The following TMEM131L variants were observed in gnomAD, a reference collection of about 807,000 sequenced individuals.
TMEM131L encodes the protein transmembrane protein 131-like.
A neutral mutation model predicts 192.2 loss-of-function variants in TMEM131L; 54 were observed. That is an observed-to-expected ratio of 0.28 (90% CI 0.23 to 0.35). The LOEUF (loss-of-function observed/expected upper bound fraction) is 0.35. Among genes scored for constraint, TMEM131L ranks in the 10% least tolerant of loss-of-function variants. The pLI is 1.00. For synonymous variants in TMEM131L, 701 were observed against 704.9 expected, an observed-to-expected ratio of 0.99 and a Z score of 0.09; for missense variants, 1,888 against 1,972.9, an observed-to-expected ratio of 0.96 and a Z score of 0.82.
At chr4:153,626,423 C>G (rs930568447) in intron 30 of TMEM131L, among the ~76,000 whole-genome samples, 198 bp downstream of exon 30, 17 of 152,068 alleles carry the variant, frequency 1.1e-4, no homozygotes, top group African/African-American at 4.1e-4. Flanking sequence ...GCTCAGGTAT[C>G]GCTATTTTTT....
In TMEM131L at chr4:153,504,115, C is replaced by T. The variant is rs1017757816; in HGVS notation, c.239+30227C>T. On this transcript the variant is annotated intron_variant, in intron 3 of 34. Transcript: ENST00000409959. The stretch of plus-strand genomic sequence containing the variant: ...CCGAGTAGCTGGGACTACAGGCGCC[C>T]GCCACCACGCCCGGCTAATTTTTTT... Among the ~76,000 whole-genome samples, 12 of 151,516 alleles carry T rather than the reference C, an allele frequency of 7.9e-5. No individual in the cohort carries two copies. The East Asian group carries it at 1.2e-3, about 15-fold the overall frequency.
intron 3 of TMEM131L, among the ~76,000 whole-genome samples, chr4:153,510,849 T>C (rs1353579650): frequency 6.6e-6 from 1 of 151,352 alleles, no homozygotes; most frequent in Non-Finnish European, 1.5e-5. Context: ...ATCATGCCAG[T>C]GTACTCCAGC....
Position 153,604,208 on chromosome 4 carries a change from G to A in TMEM131L, c.3196G>A (p.Val1066Ile), listed in dbSNP as rs140575798. The change falls in exon 25 of 35, where the codon GTT becomes ATT. Residue 1066 changes from valine (V) to isoleucine (I), a missense_variant. Val to Ile is a conservative substitution (Grantham distance 29). Coordinates refer to ENST00000409959, the MANE Select transcript of TMEM131L (RefSeq NM_001131007.2). ...AGAAAACACACTGAAAAACACAATT[G>A]TTTTCAGTAATCCTTCTTCAGAATG... ...KEENTLKNTI[V>I]FSNPSSECSM... is the part of the protein sequence containing the mutation. 4.3e-5 allele frequency: 70 copies of A among 1,613,982 alleles called. No homozygotes were observed. The African/African-American group carries it at 7.7e-4, about 18-fold the overall frequency.
intron 3 of TMEM131L, among the ~76,000 whole-genome samples, chr4:153,494,603 AAC>A (rs1733029069): frequency 1.3e-5 from 2 of 152,214 alleles, no homozygotes; most frequent in African/African-American, 4.8e-5. Context: ...TATCTGATAC[AAC>A]AGTCTTATTG....
At chr4:153,585,770 T>C (rs920441027) in intron 13 of TMEM131L, among the ~76,000 whole-genome samples, 159 bp downstream of exon 13, 2 of 152,184 alleles carry the variant, frequency 1.3e-5, no homozygotes, top group Non-Finnish European at 2.9e-5. Context: ...TGTATTTTTC[T>C]TTTAACATTT....
chr4:153,626,896 T>G (rs969863020), intron 30 of TMEM131L, among the ~76,000 whole-genome samples: 3 of 152,254 alleles, frequency 2.0e-5, no homozygotes, highest in African/African-American at 7.2e-5. Context: ...TGCAAGAACC[T>G]AGTAGATACA....
At chr4:153,493,345 CAA>C (rs35052272) in intron 3 of TMEM131L, among the ~76,000 whole-genome samples, 1,979 of 72,736 alleles carry the variant, frequency 0.027, 22 homozygotes, top group African/African-American at 0.038. Flanking sequence ...GACTCTGTCT[CAA>C]AAAAAAAAAA....
intron 25 of TMEM131L, among the ~76,000 whole-genome samples, chr4:153,609,727 C>G (rs914730143): frequency 6.6e-6 from 1 of 152,138 alleles, no homozygotes; most frequent in East Asian, 1.9e-4. Flanking sequence ...ATGACTAATA[C>G]TTTTAGTACT....
intron 16 of TMEM131L, 58 bp downstream of exon 16, chr4:153,589,065 C>T (rs532053722): frequency 7.8e-4 from 690 of 887,126 alleles, no homozygotes; most frequent in Non-Finnish European, 1.2e-3. Context: ...TTACAGTAGT[C>T]CCTCCTTACC....
chr4:153,635,689 C>CT, intron 34 of TMEM131L, 118 bp downstream of exon 34: 1 of 1,201,980 alleles, frequency 8.3e-7, no homozygotes, highest in Non-Finnish European at 1.2e-6. Context: ...CAAAGCCTGG[C>CT]TTGCTTCTTT....
intron 31 of TMEM131L, among the ~76,000 whole-genome samples, chr4:153,630,409 C>T (rs1310473303): frequency 6.6e-6 from 1 of 152,190 alleles, no homozygotes; most frequent in Non-Finnish European, 1.5e-5. Flanking sequence ...CCTTAGAGAG[C>T]CAGATGGCTT....
At chr4:153,627,530 G>A in intron 30 of TMEM131L, 75 bp from the exon 31 acceptor site, 1 of 1,110,040 alleles carries the variant, frequency 9.0e-7, no homozygotes, top group Non-Finnish European at 1.4e-6. Flanking sequence ...AACTCAATCA[G>A]ACGTGGTTAT....
At chr4:153,586,575 T>A (rs530978834) in intron 14 of TMEM131L, among the ~76,000 whole-genome samples, 196 bp downstream of exon 14, 1 of 152,324 alleles carries the variant, frequency 6.6e-6, no homozygotes, top group African/African-American at 2.4e-5. Context: ...AGAGTTTTCT[T>A]TTTTATAAAG....
chr4:153,603,361 G>C lies in TMEM131L; in HGVS notation c.2698G>C (p.Glu900Gln). 6.2e-7 allele frequency: 1 copy of C among 1,613,636 alleles called. No individual in the cohort carries two copies. The highest frequency in any genetic ancestry group is 8.5e-7 in the Non-Finnish European group (1 of 1,179,654). ...AFQQAQYILM[E>Q]FMKTRQRQNA... ...CCAACAAGCACAGTACATTCTCATG[G>C]AATTCATGAAAACAAGACAGAGGCA... The change falls in exon 24 of 35, where the codon GAA becomes CAA. Residue 900 changes from glutamate (E) to glutamine (Q), a missense_variant. Transcript: ENST00000409959.
intron 10 of TMEM131L, 99 bp from the exon 11 acceptor site, chr4:153,583,465 G>T (rs1016614625): frequency 1.2e-6 from 1 of 860,782 alleles, no homozygotes; most frequent in Non-Finnish European, 2.0e-6. Flanking sequence ...CAGTTGCTAT[G>T]TATGGCTGGT....
At chr4:153,547,670 G>C (rs901295220) in intron 3 of TMEM131L, among the ~76,000 whole-genome samples, 1 of 152,240 alleles carries the variant, frequency 6.6e-6, no homozygotes, top group African/African-American at 2.4e-5. Flanking sequence ...GGGCTGGAAG[G>C]TGATGGCCAT....
chr4:153,477,979 A>G (rs747902637), intron 3 of TMEM131L, among the ~76,000 whole-genome samples: 4 of 152,190 alleles, frequency 2.6e-5, no homozygotes, highest in Non-Finnish European at 4.4e-5. Context: ...CCAATCTCCT[A>G]TCCCTGCCTG....
chr4:153,588,952 C>A lies in TMEM131L; in HGVS notation c.1615C>A (p.Leu539Ile). 1 of 1,608,662 alleles carries A rather than the reference C, an allele frequency of 6.2e-7. No homozygotes were observed. The highest frequency in any genetic ancestry group is 8.5e-7 in the Non-Finnish European group (1 of 1,175,106). ...DQSTWNVDSE[L>I]ANKLYERWKK... ...ATCTACCTGGAATGTGGATTCTGAA[C>A]TTGCAAATAAATTGTATGAAAGATG... The change falls in exon 16 of 35, where the codon CTT (leucine) becomes ATT (isoleucine). Residue 539 changes from leucine to isoleucine, a missense_variant. Coordinates refer to ENST00000409959, the MANE Select transcript of TMEM131L (RefSeq NM_001131007.2).
At chr4:153,534,674 A>C (rs546127419) in intron 3 of TMEM131L, among the ~76,000 whole-genome samples, 15 of 152,032 alleles carry the variant, frequency 9.9e-5, no homozygotes, top group Admixed American at 3.9e-4. Flanking sequence ...ACCTCGTGAT[A>C]CGCCCGCCTC....
Sources: gnomAD v4.1 joint callset for allele counts (sites outside exome capture counted in the v4.1 genomes callset) on GRCh38, gnomAD v4.1.1 for gene constraint, MANE v1.5 for transcripts, NCBI Gene and HGNC (gene_info 2026-07-23, HGNC 2026-07-21) for gene names.